The following CDC42SE2 variants were observed in gnomAD, a reference collection of about 807,000 sequenced individuals.
CDC42SE2 encodes the protein CDC42 small effector 2.
CDC42SE2 carries 3 observed loss-of-function variants against 11.5 expected under a neutral mutation model. The observed-to-expected ratio is 0.26, with a 90% CI of 0.12 to 0.67. The LOEUF (loss-of-function observed/expected upper bound fraction) is 0.67. Among genes scored for constraint, CDC42SE2 ranks in the 30% least tolerant of loss-of-function variants. The pLI is 0.80. For synonymous variants in CDC42SE2, 33 were observed against 34.8 expected (o/e 0.95, Z 0.18); for missense variants, 82 against 106.8 (o/e 0.77, Z 1.02).
At chr5:131,210,155 T>C in the CDC42SE2 span, among the ~76,000 whole-genome samples, 2 of 152,216 alleles carry the variant, frequency 1.3e-5, no homozygotes, top group Non-Finnish European at 2.9e-5. Context: ...TTGCACAGCC[T>C]GCAGAATGGT....
At chr5:131,251,741 T>C (rs1314815458) in intron 1 of CDC42SE2, among the ~76,000 whole-genome samples, 1 of 152,156 alleles carries the variant, frequency 6.6e-6, no homozygotes, top group Non-Finnish European at 1.5e-5. Flanking sequence ...GGGCTGGGTA[T>C]GGTGGCTTGT....
intron 3 of CDC42SE2, among the ~76,000 whole-genome samples, chr5:131,365,767 G>A (rs1308994996): frequency 1.3e-5 from 2 of 152,274 alleles, no homozygotes; most frequent in East Asian, 3.9e-4. Flanking sequence ...CGGATCACGA[G>A]GTCAGAAGAT....
chr5:131,224,266 A>C, the CDC42SE2 span, among the ~76,000 whole-genome samples: 1 of 152,124 alleles, frequency 6.6e-6, no homozygotes, highest in Admixed American at 6.5e-5. Flanking sequence ...TCACATATCT[A>C]ACTATCTAGT....
intron 4 of CDC42SE2, among the ~76,000 whole-genome samples, chr5:131,387,047 C>G (rs879354536): frequency 2.6e-5 from 4 of 152,176 alleles, no homozygotes; most frequent in Non-Finnish European, 5.9e-5. Context: ...TGTGGAAATG[C>G]AAGAGGTATC....
rs970260590 is a variant in CDC42SE2, at chr5:131,392,035, T to C, written c.*944T>C. The stretch of plus-strand genomic sequence containing the variant: ...ATTTCCTTCAGCTGGCATGCATGCC[T>C]TTGGACTCATGGACAGAGTTCTTTG... On this transcript the variant is annotated 3_prime_UTR_variant, in exon 5 of 5. Transcript: ENST00000505065. The C allele has an allele frequency of 2.6e-5, 4 of 152,510 alleles. No homozygotes were observed. Among genetic ancestry groups the C allele is most frequent in the African/African-American group, 9.6e-5 (4 of 41,466 alleles). The allele number at this position is 152,510 out of a possible 1,614,324, so 9.4% of individuals were successfully genotyped here. A position where few individuals can be genotyped will look rare whatever the true frequency, so the allele number is the denominator to read the frequency against.
chr5:131,326,124 A>G (rs1334437316), intron 2 of CDC42SE2, among the ~76,000 whole-genome samples: 2 of 145,544 alleles, frequency 1.4e-5, no homozygotes, highest in South Asian at 2.2e-4. Flanking sequence ...TTTTTTTTTG[A>G]GACGGAGTCT....
intron 1 of CDC42SE2, among the ~76,000 whole-genome samples, chr5:131,279,787 A>G (rs1031891011): frequency 4.6e-5 from 7 of 152,120 alleles, no homozygotes; most frequent in African/African-American, 1.7e-4. Context: ...TTGAACTCTG[A>G]GACTGGGCAC....
At chr5:131,339,316 A>G (rs1365711121) in intron 2 of CDC42SE2, among the ~76,000 whole-genome samples, 1 of 151,688 alleles carries the variant, frequency 6.6e-6, no homozygotes, top group East Asian at 1.9e-4. Flanking sequence ...CACAGGAAAA[A>G]CAGTTTCTAT....
chr5:131,322,580 C>G (rs1177280006), intron 2 of CDC42SE2, among the ~76,000 whole-genome samples: 1 of 152,042 alleles, frequency 6.6e-6, no homozygotes, highest in African/African-American at 2.4e-5. Context: ...GTCGTGGGCT[C>G]AAGTAGTACT....
At chr5:131,380,090 C>T (rs1750274276) in intron 3 of CDC42SE2, among the ~76,000 whole-genome samples, 1 of 151,852 alleles carries the variant, frequency 6.6e-6, no homozygotes, top group Non-Finnish European at 1.5e-5. Flanking sequence ...CCATGCCCAG[C>T]TAATTTTTTT....
the CDC42SE2 span, among the ~76,000 whole-genome samples, chr5:131,215,202 G>A: frequency 1.1e-4 from 17 of 152,316 alleles, no homozygotes; most frequent in East Asian, 9.6e-4. Flanking sequence ...CAGCTGTGTC[G>A]CTGAAAATAG....
At chr5:131,252,525 C>T (rs543656886) in intron 1 of CDC42SE2, among the ~76,000 whole-genome samples, 29 of 152,246 alleles carry the variant, frequency 1.9e-4, no homozygotes, top group African/African-American at 6.3e-4. Flanking sequence ...GGCGTGGTGG[C>T]GTGTGCCTAT....
chr5:131,278,515 A>G (rs1239923767), intron 1 of CDC42SE2, among the ~76,000 whole-genome samples: 3 of 143,684 alleles, frequency 2.1e-5, no homozygotes, highest in African/African-American at 5.2e-5. Flanking sequence ...CATGTGTGAC[A>G]TCATGTTAGT....
At chr5:131,342,558 T>G (rs1758737463) in intron 2 of CDC42SE2, among the ~76,000 whole-genome samples, 1 of 149,552 alleles carries the variant, frequency 6.7e-6, no homozygotes, top group Admixed American at 6.7e-5. Context: ...CCAGCTAACT[T>G]TTTGTATTTT....
rs188488157 is a variant in CDC42SE2 at position 131,348,676 on chromosome 5, A to G, written c.-285-10533A>G. Among the ~76,000 whole-genome samples the G allele has an allele frequency of 2.0e-3, 301 of 152,316 alleles. 1 individual carries two copies. Among genetic ancestry groups the G allele is most frequent in the African/African-American group, 7.0e-3 (290 of 41,560 alleles). ...CATATGGAACCGAAAAAGAGCCTGC[A>G]TTGCCTAGTCAATCCTAAGCCAAAA... On this transcript the variant is annotated intron_variant, in intron 2 of 4. Coordinates refer to ENST00000505065, the MANE Select transcript of CDC42SE2 (RefSeq NM_001375635.1).
chr5:131,365,182 C>T (rs942143790), intron 3 of CDC42SE2, among the ~76,000 whole-genome samples: 1 of 151,840 alleles, frequency 6.6e-6, no homozygotes, highest in Non-Finnish European at 1.5e-5. Flanking sequence ...CCCAGCTACT[C>T]GGGAGGCTGA....
At chr5:131,293,097 C>T in intron 1 of CDC42SE2, among the ~76,000 whole-genome samples, 1 of 152,010 alleles carries the variant, frequency 6.6e-6, no homozygotes, top group Admixed American at 6.6e-5. Context: ...CTCTCTTCCC[C>T]ACCCCTCAAA....
At chr5:131,227,704 A>G in the CDC42SE2 span, among the ~76,000 whole-genome samples, 2 of 152,170 alleles carry the variant, frequency 1.3e-5, no homozygotes, top group Non-Finnish European at 2.9e-5. Flanking sequence ...GGGATAGTTC[A>G]ATAACTTCCA....
intron 3 of CDC42SE2, among the ~76,000 whole-genome samples, chr5:131,375,852 TC>T (rs997949307): frequency 6.6e-6 from 1 of 152,140 alleles, no homozygotes; most frequent in African/African-American, 2.4e-5. Context: ...AAACTAGACT[TC>T]CACAGGCAGT....
Sources: allele counts gnomAD v4.1 joint callset (sites outside exome capture counted in the v4.1 genomes callset), GRCh38; gene constraint gnomAD v4.1.1; transcripts MANE v1.5; gene names NCBI Gene and HGNC (gene_info 2026-07-23, HGNC 2026-07-21).